CARMIL1: variants seen among roughly 807,000 people sequenced by gnomAD.
The protein encoded by CARMIL1 is F-actin-uncapping protein LRRC16A.
Under a neutral mutation model 177.1 loss-of-function variants are expected in CARMIL1, and 90 were observed. The ratio of observed to expected loss-of-function variants is 0.51; its 90% CI spans 0.43 to 0.61. The LOEUF (loss-of-function observed/expected upper bound fraction) is 0.61. Among genes scored for constraint, CARMIL1 ranks in the 20% least tolerant of loss-of-function variants. CARMIL1 has a pLI of 0.00. For synonymous variants in CARMIL1, 577 were observed against 606.2 expected (o/e 0.95, Z 0.71); for missense variants, 1,380 against 1,667.0 (o/e 0.83, Z 3.00).
chr6:25,291,441 T>C (rs1290006700), intron 2 of CARMIL1, among the ~76,000 whole-genome samples: 2 of 152,214 alleles, frequency 1.3e-5, no homozygotes, highest in East Asian at 3.9e-4. Flanking sequence ...ACTATTGTTC[T>C]TTTGCAGTAG....
At chr6:25,608,591 C>CT (rs1816210816) in intron 35 of CARMIL1, among the ~76,000 whole-genome samples, 1 of 152,112 alleles carries the variant, frequency 6.6e-6, no homozygotes. Context: ...TTTCATAGCA[C>CT]TTAGTATATC....
At chr6:25,376,555 C>T (rs1191238443) in intron 2 of CARMIL1, among the ~76,000 whole-genome samples, 2 of 152,048 alleles carry the variant, frequency 1.3e-5, no homozygotes, top group African/African-American at 4.8e-5. Context: ...GTATGACTTC[C>T]TTGGTTATAG....
chr6:25,482,881 G>A (rs1358960211), intron 12 of CARMIL1, among the ~76,000 whole-genome samples: 1 of 152,078 alleles, frequency 6.6e-6, no homozygotes, highest in African/African-American at 2.4e-5. Flanking sequence ...TGCCACAGCA[G>A]CACCTCAATA....
chr6:25,337,136 T>C (rs1236102200), intron 2 of CARMIL1, among the ~76,000 whole-genome samples: 1 of 152,270 alleles, frequency 6.6e-6, no homozygotes, highest in Non-Finnish European at 1.5e-5. Context: ...CATTTGTTAG[T>C]GCTTAAAACA....
intron 26 of CARMIL1, among the ~76,000 whole-genome samples, chr6:25,544,628 CA>C (rs1809256697): frequency 2.0e-5 from 3 of 151,720 alleles, no homozygotes; most frequent in East Asian, 1.9e-4. Flanking sequence ...CACACACACA[CA>C]CACACACACA....
intron 24 of CARMIL1, among the ~76,000 whole-genome samples, chr6:25,529,148 T>A (rs1465864626): frequency 6.6e-6 from 1 of 152,196 alleles, no homozygotes; most frequent in East Asian, 1.9e-4. Context: ...ATTAGGAACT[T>A]TTGATTATAA....
intron 2 of CARMIL1, among the ~76,000 whole-genome samples, chr6:25,413,754 T>C (rs574336479): frequency 1.6e-4 from 25 of 152,324 alleles, no homozygotes; most frequent in South Asian, 6.2e-4. Context: ...AAGTTGTAGC[T>C]TACCCTTTGT....
At chr6:25,329,424 C>T (rs930718161) in intron 2 of CARMIL1, among the ~76,000 whole-genome samples, 16 of 152,298 alleles carry the variant, frequency 1.1e-4, no homozygotes, top group South Asian at 4.1e-4. Flanking sequence ...TCAAGGCTGT[C>T]GTTTTTTCCA....
At chr6:25,440,364 T>C (rs77680150) in intron 5 of CARMIL1, among the ~76,000 whole-genome samples, 18 of 152,188 alleles carry the variant, frequency 1.2e-4, no homozygotes, top group African/African-American at 3.6e-4. Flanking sequence ...AAGAGACCAA[T>C]TGGAGAGAAG....
intron 2 of CARMIL1, among the ~76,000 whole-genome samples, chr6:25,374,280 G>A (rs1252875102): frequency 6.6e-6 from 1 of 152,048 alleles, no homozygotes; most frequent in Non-Finnish European, 1.5e-5. Context: ...TGATTTCATT[G>A]TTCACCTAAA....
At chr6:25,321,913 C>T (rs931945374) in intron 2 of CARMIL1, among the ~76,000 whole-genome samples, 1 of 152,102 alleles carries the variant, frequency 6.6e-6, no homozygotes, top group Non-Finnish European at 1.5e-5. Context: ...CTGCCTTGGC[C>T]TCCCAAAGTG....
chr6:25,571,854 C>G (rs4576241), intron 29 of CARMIL1, among the ~76,000 whole-genome samples: 124,375 of 152,096 alleles, frequency 0.82, 51,216 homozygotes, highest in East Asian at 0.95. Flanking sequence ...AAGAAAGTCA[C>G]TATTATGAAA....
intron 8 of CARMIL1, among the ~76,000 whole-genome samples, chr6:25,460,973 C>T (rs1240362546): frequency 6.6e-6 from 1 of 152,210 alleles, no homozygotes; most frequent in Non-Finnish European, 1.5e-5. Context: ...TTCCCTCCTT[C>T]TCCGCTTGCC....
chr6:25,437,589 G>C (rs754790892), intron 5 of CARMIL1, among the ~76,000 whole-genome samples: 1 of 152,116 alleles, frequency 6.6e-6, no homozygotes, highest in African/African-American at 2.4e-5. Context: ...CCACCTACCA[G>C]CTGCCCAATA....
intron 17 of CARMIL1, among the ~76,000 whole-genome samples, chr6:25,505,848 T>G (rs1336408861): frequency 1.6e-5 from 2 of 123,158 alleles, no homozygotes; most frequent in Non-Finnish European, 3.5e-5. Flanking sequence ...TCAAACTTAG[T>G]CTCCTTCCAA....
intron 21 of CARMIL1, among the ~76,000 whole-genome samples, chr6:25,516,725 A>G (rs1806042323): frequency 6.6e-6 from 1 of 152,242 alleles, no homozygotes; most frequent in African/African-American, 2.4e-5. Context: ...CTGAAGGTAA[A>G]GTAATATTTT....
chr6:25,548,503 T>C (rs1405625825), intron 26 of CARMIL1, among the ~76,000 whole-genome samples: 1 of 152,114 alleles, frequency 6.6e-6, no homozygotes, highest in East Asian at 1.9e-4. Context: ...TATAGGTGAT[T>C]GTAGATAAAT....
At chr6:25,346,244 C>G (rs1376257323) in intron 2 of CARMIL1, among the ~76,000 whole-genome samples, 1 of 152,224 alleles carries the variant, frequency 6.6e-6, no homozygotes, top group Non-Finnish European at 1.5e-5. Context: ...TCATCTCCCA[C>G]TTCCCGCCCA....
At chr6:25,576,197 C>A (rs1371101695) in intron 29 of CARMIL1, among the ~76,000 whole-genome samples, 2 of 151,360 alleles carry the variant, frequency 1.3e-5, no homozygotes, top group African/African-American at 4.9e-5. Context: ...TTAATGATGA[C>A]CAATGGAATT....
Sources: gnomAD v4.1 joint callset for allele counts (sites outside exome capture counted in the v4.1 genomes callset) on GRCh38, gnomAD v4.1.1 for gene constraint, MANE v1.5 for transcripts, NCBI Gene and HGNC (gene_info 2026-07-23, HGNC 2026-07-21) for gene names.